FCRL2: variants seen among roughly 807,000 people sequenced by gnomAD.
FCRL2 encodes Fc receptor like 2, also known as Fc receptor-like protein 2.
Under a neutral mutation model 59.8 loss-of-function variants are expected in FCRL2, and 48 were observed. That is an observed-to-expected ratio of 0.80 (90% CI 0.64 to 1.02). The LOEUF (loss-of-function observed/expected upper bound fraction) is 1.02. Among genes scored for constraint, FCRL2 ranks in the 50% least tolerant of loss-of-function variants. The pLI is 0.00. For missense variants in FCRL2, 658 were observed against 597.3 expected (o/e 1.10, Z -1.06); for synonymous variants, 251 against 229.5 (o/e 1.09, Z -0.85).
chr1:157,769,918 C>T lies in FCRL2; in HGVS notation c.543G>A (p.Thr181=), dbSNP rs781164996. The part of the protein sequence containing the change: ...DTGSYWCKAE[T]VTHRIRKQSL... ...TCTGTTTTCTGATCCTGTGAGTCACCGTTTCTGCCTTGCACCAGTAAGACC... is the reference window on the plus strand; with the variant it reads ...TCTGTTTTCTGATCCTGTGAGTCACTGTTTCTGCCTTGCACCAGTAAGACC... Residue 181 remains threonine (T), a synonymous_variant, in exon 4 of 12, where the codon ACG becomes ACA. Coordinates refer to ENST00000361516, the MANE Select transcript of FCRL2 (RefSeq NM_030764.4). The T allele has an allele frequency of 2.4e-5, 39 of 1,614,054 alleles. No homozygotes were observed. The highest frequency in any genetic ancestry group is 4.0e-5 in the African/African-American group (3 of 74,924).
At chr1:157,749,729 T>C in intron 7 of FCRL2, 52 bp from the exon 8 acceptor site, 1 of 1,484,226 alleles carries the variant, frequency 6.7e-7, no homozygotes. Flanking sequence ...CTTTATCTCT[T>C]AAAATTTTGA....
At chr1:157,762,077 C>T (rs1292535498) in intron 7 of FCRL2, among the ~76,000 whole-genome samples, 1 of 152,172 alleles carries the variant, frequency 6.6e-6, no homozygotes, top group South Asian at 2.1e-4. Flanking sequence ...TTGCCCTTCC[C>T]CTGACCATGC....
Position 157,767,359 on chromosome 1 carries a change from G to A in FCRL2, c.1034C>T (p.Ser345Leu), listed in dbSNP as rs751304194. ...YHEDVTLGNS[S>L]APSGGGASFN... Reference sequence around the variant, plus strand: ...GGAGGCCCCTCCTCCAGAGGGGGCCGAGCTGTTCCCAAGGGTGACATCCTC... The same window carrying A: ...GGAGGCCCCTCCTCCAGAGGGGGCCAAGCTGTTCCCAAGGGTGACATCCTC... Residue 345 changes from serine to leucine, a missense_variant, in exon 6 of 12, where the codon TCG (serine) becomes TTG (leucine). Transcript: ENST00000361516. 1.7e-5 allele frequency: 28 copies of A among 1,614,098 alleles called. No individual in the cohort carries two copies. The highest frequency in any genetic ancestry group is 2.7e-5 in the African/African-American group (2 of 74,938).
chr1:157,748,808 T>C, intron 9 of FCRL2, 67 bp downstream of exon 9: 2 of 1,482,206 alleles, frequency 1.3e-6, no homozygotes, highest in Non-Finnish European at 1.9e-6. Flanking sequence ...CACCTAATGG[T>C]CTCCGCTCCT....
At chr1:157,764,426 A>C (rs1198387471) in intron 7 of FCRL2, among the ~76,000 whole-genome samples, 2 of 152,224 alleles carry the variant, frequency 1.3e-5, no homozygotes, top group Non-Finnish European at 2.9e-5. Flanking sequence ...CTGAATAGTA[A>C]ATCAACAAAG....
rs760527197 is a variant in FCRL2, at chr1:157,777,026, C to G, written c.31+17G>C. 6.2e-7 allele frequency: 1 copy of G among 1,611,698 alleles called. No individual in the cohort carries two copies. The highest frequency in any genetic ancestry group is 8.5e-7 in the Non-Finnish European group (1 of 1,177,852). On this transcript the variant is annotated intron_variant, in intron 1 of 11. Transcript: ENST00000361516. ...TTCAGCTGCCACCTCACTTCTCAGTCAAATTATTGAACTCACCAAAGATGA... is the reference window on the plus strand; with the variant it reads ...TTCAGCTGCCACCTCACTTCTCAGTGAAATTATTGAACTCACCAAAGATGA...
intron 7 of FCRL2, among the ~76,000 whole-genome samples, chr1:157,752,153 T>C (rs1401231329): frequency 2.0e-5 from 3 of 152,196 alleles, no homozygotes; most frequent in Non-Finnish European, 4.4e-5. Context: ...CCTAAAATTA[T>C]ATAGGAGTGA....
In FCRL2 at chr1:157,770,166, A is replaced by G. The variant is rs770773732; in HGVS notation, c.311-16T>C. The G allele has an allele frequency of 1.2e-6, 2 of 1,607,634 alleles. No individual in the cohort carries two copies. The highest frequency in any genetic ancestry group is 4.5e-5 in the East Asian group (2 of 44,730). Reference sequence around the variant, plus strand: ...TGAAAGAGCTCTAGAGAGAAGGATCACAATAGTCCCCAAAGCAGTGACAGC... The same window carrying G: ...TGAAAGAGCTCTAGAGAGAAGGATCGCAATAGTCCCCAAAGCAGTGACAGC... On this transcript the variant is annotated splice_polypyrimidine_tract_variant and intron_variant, in intron 3 of 11. Coordinates refer to ENST00000361516, the MANE Select transcript of FCRL2 (RefSeq NM_030764.4).
intron 1 of FCRL2, among the ~76,000 whole-genome samples, chr1:157,776,727 C>T (rs973516421): frequency 6.6e-6 from 1 of 152,142 alleles, no homozygotes; most frequent in African/African-American, 2.4e-5. Context: ...TTGCTAAATG[C>T]TAATATTATG....
At chr1:157,769,115 T>C (rs960830253) in intron 4 of FCRL2, 2 of 158,532 alleles carry the variant, frequency 1.3e-5, no homozygotes, top group Non-Finnish European at 2.8e-5. Flanking sequence ...TTCAACCAAA[T>C]ACAACTTCTC....
chr1:157,754,438 A>G (rs1309540696), intron 7 of FCRL2, among the ~76,000 whole-genome samples: 1 of 152,182 alleles, frequency 6.6e-6, no homozygotes, highest in Non-Finnish European at 1.5e-5. Context: ...TCATCAAGAA[A>G]TAACCATAAA....
At chr1:157,770,934 C>T (rs1459678734) in intron 2 of FCRL2, among the ~76,000 whole-genome samples, 1 of 152,164 alleles carries the variant, frequency 6.6e-6, no homozygotes, top group Admixed American at 6.5e-5. Context: ...AGTCTGAGGT[C>T]AGGGTGCCAG....
intron 7 of FCRL2, among the ~76,000 whole-genome samples, chr1:157,760,205 C>T (rs1648911627): frequency 6.6e-6 from 1 of 152,162 alleles, no homozygotes; most frequent in South Asian, 2.1e-4. Context: ...AACCAAATAT[C>T]ACATGTTCTC....
chr1:157,761,685 A>G lies in FCRL2; in HGVS notation c.1279+5170T>C, dbSNP rs578160156. ...TGTAAACCTGCCATATGTGGATGAC[A>G]CAATAATTGGGTCACTGGTAATTTT... On this transcript the variant is annotated intron_variant, in intron 7 of 11. Coordinates refer to ENST00000361516, the MANE Select transcript of FCRL2 (RefSeq NM_030764.4). Among the ~76,000 whole-genome samples the G allele has an allele frequency of 2.0e-5, 3 of 152,338 alleles. No individual in the cohort carries two copies. In the East Asian group the frequency reaches 5.8e-4, roughly 29 times the overall value.
chr1:157,767,200 C>A, intron 6 of FCRL2, 31 bp downstream of exon 6: 1 of 1,588,370 alleles, frequency 6.3e-7, no homozygotes, highest in Non-Finnish European at 8.6e-7. Context: ...CCATTGACAT[C>A]AAACTCTGTA....
intron 4 of FCRL2, 143 bp downstream of exon 4, chr1:157,769,723 G>T: frequency 9.7e-7 from 1 of 1,025,942 alleles, no homozygotes; most frequent in Non-Finnish European, 1.4e-6. Flanking sequence ...CACCGCGCCC[G>T]GCCGCAACCT....
At chr1:157,748,361 T>C (rs1647913153) in intron 10 of FCRL2, among the ~76,000 whole-genome samples, 192 bp downstream of exon 10, 1 of 152,036 alleles carries the variant, frequency 6.6e-6, no homozygotes, top group South Asian at 2.1e-4. Context: ...AGGCAGAGAT[T>C]GCAGTGAGCT....
chr1:157,765,806 G>A (rs1333597387), intron 7 of FCRL2, among the ~76,000 whole-genome samples: 2 of 152,188 alleles, frequency 1.3e-5, no homozygotes, highest in Non-Finnish European at 2.9e-5. Context: ...TGAAGCACCA[G>A]GACATAATAA....
chr1:157,770,006 A>G lies in FCRL2; in HGVS notation c.455T>C (p.Leu152Pro), dbSNP rs1345785877. 1.9e-6 allele frequency: 3 copies of G among 1,614,154 alleles called. No individual in the cohort carries two copies. The highest frequency in any genetic ancestry group is 2.5e-6 in the Non-Finnish European group (3 of 1,180,018). The change falls in exon 4 of 12, where the codon CTG becomes CCG. Residue 152 changes from leucine (L) to proline (P), a missense_variant. By Grantham distance (98) the Leu-to-Pro change is moderately conservative. Transcript: ENST00000361516. Reference protein sequence around the residue: ...QFCFFRENQVLGSGWSSSPEL... With the variant: ...QFCFFRENQVPGSGWSSSPEL... Reference sequence around the variant, plus strand: ...CGGAGAGCTGCTCCAGCCTGACCCCAGGACCTGGTTTTCTCTGAAGAAGCA... The same window carrying G: ...CGGAGAGCTGCTCCAGCCTGACCCCGGGACCTGGTTTTCTCTGAAGAAGCA...
Sources: gnomAD v4.1 joint callset for allele counts (sites outside exome capture counted in the v4.1 genomes callset) on GRCh38, gnomAD v4.1.1 for gene constraint, MANE v1.5 for transcripts, NCBI Gene and HGNC (gene_info 2026-07-23, HGNC 2026-07-21) for gene names.